The following ASS1 variants were observed in gnomAD, a reference collection of about 807,000 sequenced individuals.
ASS1 encodes the protein argininosuccinate synthase 1.
In ASS1, 58 loss-of-function variants were observed where a neutral mutation model predicts 60.5. That is an observed-to-expected ratio of 0.96 (90% CI 0.78 to 1.19). ASS1 has a LOEUF of 1.19. Ranked by LOEUF, ASS1 falls within the 50% of genes most tolerant of loss-of-function variation. ASS1 has a pLI of 0.00. For missense variants in ASS1, 454 were observed against 547.3 expected, an observed-to-expected ratio of 0.83 and a Z score of 1.70; for synonymous variants, 200 against 206.9, an observed-to-expected ratio of 0.97 and a Z score of 0.29.
rs767756224 is a variant in ASS1, at chr9:130,458,609, C to G, written c.363+20C>G. 1.2e-6 allele frequency: 2 copies of G among 1,609,280 alleles called. No individual in the cohort carries two copies. Among genetic ancestry groups the G allele is most frequent in the South Asian group, 1.1e-5 (1 of 90,508 alleles). On this transcript the variant is annotated intron_variant, in intron 4 of 14. Coordinates refer to ENST00000352480, the MANE Select transcript of ASS1 (RefSeq NM_054012.4). Reference sequence around the variant, plus strand: ...GGAAAGGTGAGGCACCTGGGAAGGGCCGGGCAGAGGGAGATGGAGGCGGAG... The same window carrying G: ...GGAAAGGTGAGGCACCTGGGAAGGGGCGGGCAGAGGGAGATGGAGGCGGAG...
Position 130,499,528 on chromosome 9 carries a change from A to G in ASS1, c.1151A>G (p.Glu384Gly). Residue 384 changes from glutamate (E) to glycine (G), a missense_variant, in exon 14 of 15, where the codon GAG (glutamate) becomes GGG (glycine). Physicochemically the swap from Glu to Gly is moderately conservative, Grantham distance 98. Transcript: ENST00000352480. ...AGCATGAACGTGCAGGGTGATTATGAGCCAACTGATGCCACCGGGTTCATC... is the reference window on the plus strand; with the variant it reads ...AGCATGAACGTGCAGGGTGATTATGGGCCAACTGATGCCACCGGGTTCATC... ...LVSMNVQGDY[E>G]PTDATGFINI... is the part of the protein sequence containing the mutation. 1 of 1,613,856 alleles carries G rather than the reference A, an allele frequency of 6.2e-7. No homozygotes were observed. Among genetic ancestry groups the G allele is most frequent in the South Asian group, 1.1e-5 (1 of 90,950 alleles).
In ASS1 at chr9:130,479,720, C is replaced by T; in HGVS notation, c.693C>T (p.Val231=). The change falls in exon 10 of 15, where the codon GTC becomes GTT. Residue 231 remains valine, a synonymous_variant. Coordinates refer to ENST00000352480, the MANE Select transcript of ASS1 (RefSeq NM_054012.4). ...TGCCCTCTCTTCCCACCCTAGGGGT[C>T]CCTGTGAAGGTGACCAACGTCAAGG... The part of the protein sequence containing the change: ...DILEIEFKKG[V]PVKVTNVKDG... 6.2e-7 allele frequency: 1 copy of T among 1,613,878 alleles called. No homozygotes were observed. Among genetic ancestry groups the T allele is most frequent in the East Asian group, 2.2e-5 (1 of 44,872 alleles).
intron 4 of ASS1, among the ~76,000 whole-genome samples, chr9:130,462,662 G>A (rs148107347): frequency 5.8e-4 from 88 of 152,226 alleles, no homozygotes; most frequent in African/African-American, 2.0e-3. Flanking sequence ...ATGCAACGTC[G>A]GACCATGCCT....
chr9:130,449,865 G>A (rs912011856), intron 1 of ASS1, among the ~76,000 whole-genome samples: 4 of 152,224 alleles, frequency 2.6e-5, no homozygotes, highest in Admixed American at 2.0e-4. Flanking sequence ...TATTTTTGTA[G>A]TTGATGAATG....
At position 130,470,258 on chromosome 9, in the gene ASS1, AGTGCCTT is replaced by A. The variant is rs1171093234; in HGVS notation, c.496-574_496-568del. Among the ~76,000 whole-genome samples, 1 of 152,186 alleles carries A rather than the reference AGTGCCTT, an allele frequency of 6.6e-6. No homozygotes were observed. Among genetic ancestry groups the A allele is most frequent in the Non-Finnish European group, 1.5e-5 (1 of 68,024 alleles). ...AGGAAGCGAAACAGAGCCAGAGCCG[AGTGCCTT>A]GGAGACGGGATCTGCTGGGTGTTCC... On this transcript the variant is annotated intron_variant, in intron 6 of 14. Coordinates refer to ENST00000352480, the MANE Select transcript of ASS1 (RefSeq NM_054012.4). This position sits in a 1 kb window ranked among gnomAD's most constrained non-coding sequence, Gnocchi z 4.3.
At chr9:130,448,349 TCACACACATGCATG>T (rs748954480) in intron 1 of ASS1, among the ~76,000 whole-genome samples, 1 of 151,360 alleles carries the variant, frequency 6.6e-6, no homozygotes, top group African/African-American at 2.4e-5. Context: ...CCCAAACACA[TCACACACATGCATG>T]CACACACATT....
Position 130,494,929 on chromosome 9 carries a change from G to A in ASS1, c.1033G>A (p.Val345Met). The A allele has an allele frequency of 1.9e-6, 3 of 1,613,638 alleles. No homozygotes were observed. Among genetic ancestry groups the A allele is most frequent in the Non-Finnish European group, 2.5e-6 (3 of 1,179,952 alleles). The change falls in exon 13 of 15, where the codon GTG becomes ATG. Residue 345 changes from valine to methionine, a missense_variant. Transcript: ENST00000352480. The surrounding 1 kb of genome is among the most constrained non-coding windows in gnomAD (Gnocchi z 4.3). ...CTGCATCGCCAAGTCCCAGGAGCGA[G>A]TGGAAGGGAAAGTGCAGGTGTCCGT... The part of the protein sequence containing the change: ...RHCIAKSQER[V>M]EGKVQVSVLK...
At position 130,449,424 on chromosome 9, in the gene ASS1, C is replaced by CTGTTTCTGTGGAGCTGCCCCTCCG. The variant is rs1005812524; in HGVS notation, c.-5-2781_-5-2758dup. ...CACTGAGGCGATGCAGGTGATCCAG[C>CTGTTTCTGTGGAGCTGCCCCTCCG]TGTTTCTGTGGAGCTGCCCCTCCGT... On this transcript the variant is annotated intron_variant, in intron 1 of 14. Coordinates refer to ENST00000352480, the MANE Select transcript of ASS1 (RefSeq NM_054012.4). Among the ~76,000 whole-genome samples, 6 of 151,426 alleles carry CTGTTTCTGTGGAGCTGCCCCTCCG rather than the reference C, an allele frequency of 4.0e-5. No homozygotes were observed. In the South Asian group the frequency reaches 8.4e-4, roughly 21 times the overall value.
At chr9:130,495,086 C>T in intron 13 of ASS1, 63 bp downstream of exon 13, 2 of 1,538,946 alleles carry the variant, frequency 1.3e-6, no homozygotes, top group South Asian at 2.4e-5. Context: ...TTGACTGGAT[C>T]CTCAAGACAT....
In ASS1 at chr9:130,489,559, G is replaced by A; in HGVS notation, c.970+95G>A. ...GGGCCTGGCCCTCCCCTCCGTATCAGCACCTTCCTCCCCTGCCGCCCACTG... is the reference window on the plus strand; with the variant it reads ...GGGCCTGGCCCTCCCCTCCGTATCAACACCTTCCTCCCCTGCCGCCCACTG... On this transcript the variant is annotated intron_variant, in intron 12 of 14. Coordinates refer to ENST00000352480, the MANE Select transcript of ASS1 (RefSeq NM_054012.4). This position sits in a 1 kb window ranked among gnomAD's most constrained non-coding sequence, Gnocchi z 4.1. 1 of 1,585,276 alleles carries A rather than the reference G, an allele frequency of 6.3e-7. No individual in the cohort carries two copies.
rs749779496 is a variant in ASS1, at chr9:130,501,055, A to G, written c.*34A>G. 16 of 1,587,844 alleles carry G rather than the reference A, an allele frequency of 1.0e-5. No individual in the cohort carries two copies. Among genetic ancestry groups the G allele is most frequent in the East Asian group, 2.2e-5 (1 of 44,742 alleles). The stretch of plus-strand genomic sequence containing the variant: ...ACAATGAGGAGCTGGGGCCTCCTCA[A>G]TTTGCAGATCCCCCAAGTACAGGCG... On this transcript the variant is annotated 3_prime_UTR_variant, in exon 15 of 15. Transcript: ENST00000352480.
rs372742459 is a variant in ASS1 at position 130,466,676 on chromosome 9, A to G, written c.421-49A>G. Reference sequence around the variant, plus strand: ...AGCTCTGCAGCTTACAGGCCAGGGGAAGCCCACAGCTCGGCCCTCCCGGCT... The same window carrying G: ...AGCTCTGCAGCTTACAGGCCAGGGGGAGCCCACAGCTCGGCCCTCCCGGCT... On this transcript the variant is annotated intron_variant, in intron 5 of 14. Coordinates refer to ENST00000352480, the MANE Select transcript of ASS1 (RefSeq NM_054012.4). 9 of 1,572,416 alleles carry G rather than the reference A, an allele frequency of 5.7e-6. No individual in the cohort carries two copies. In the East Asian group the frequency reaches 1.3e-4, roughly 23 times the overall value.
At chr9:130,487,321 G>T (rs1489339839) in intron 11 of ASS1, among the ~76,000 whole-genome samples, 2 of 151,844 alleles carry the variant, frequency 1.3e-5, no homozygotes, top group African/African-American at 4.8e-5. Context: ...GAAACTTCTG[G>T]TTAGTGCACG....
chr9:130,470,962 A>T lies in ASS1; in HGVS notation c.566+58A>T. ...CCCGGGCTCATTCCAAAGGACGGCCACGCGCTGCCCCAGGACGTCCTGGTG... is the reference window on the plus strand; with the variant it reads ...CCCGGGCTCATTCCAAAGGACGGCCTCGCGCTGCCCCAGGACGTCCTGGTG... On this transcript the variant is annotated intron_variant, in intron 7 of 14. Coordinates refer to ENST00000352480, the MANE Select transcript of ASS1 (RefSeq NM_054012.4). The surrounding 1 kb of genome is among the most constrained non-coding windows in gnomAD (Gnocchi z 4.3). 1 of 1,574,820 alleles carries T rather than the reference A, an allele frequency of 6.3e-7. No individual in the cohort carries two copies. Among genetic ancestry groups the T allele is most frequent in the Non-Finnish European group, 8.7e-7 (1 of 1,145,506 alleles).
chr9:130,463,164 G>GC (rs1845644145), intron 4 of ASS1, among the ~76,000 whole-genome samples: 1 of 152,194 alleles, frequency 6.6e-6, no homozygotes, highest in Non-Finnish European at 1.5e-5. Context: ...GCCTGGCTGC[G>GC]CCCATGCAGT....
chr9:130,453,911 G>T (rs1352846170), intron 2 of ASS1, among the ~76,000 whole-genome samples: 1 of 152,242 alleles, frequency 6.6e-6, no homozygotes, highest in Non-Finnish European at 1.5e-5. Context: ...AGAGCTGGAG[G>T]CTAGGAAGGC....
chr9:130,478,361 G>A lies in ASS1; in HGVS notation c.689-1355G>A, dbSNP rs963608278. 1.3e-5 allele frequency among the ~76,000 whole-genome samples: 2 copies of A among 152,146 alleles called. No homozygotes were observed. The highest frequency in any genetic ancestry group is 2.4e-5 in the African/African-American group (1 of 41,442). ...AGGGCTCCCAGGAGCCTGGAGAGCC[G>A]TGAGGGTGGGAGGCGGGTGGCAGGC... On this transcript the variant is annotated intron_variant, in intron 9 of 14. Coordinates refer to ENST00000352480, the MANE Select transcript of ASS1 (RefSeq NM_054012.4). This position sits in a 1 kb window ranked among gnomAD's most constrained non-coding sequence, Gnocchi z 4.7.
chr9:130,500,872 C>A, intron 14 of ASS1, 104 bp from the exon 15 acceptor site: 1 of 1,291,162 alleles, frequency 7.7e-7, no homozygotes. Context: ...CACATCTTAA[C>A]AAACAGCTGC....
At position 130,456,431 on chromosome 9, in the gene ASS1, A is replaced by C. The variant is rs181248968; in HGVS notation, c.175-1970A>C. ...CAGTAAGCTGAAATCACACCATTGC[A>C]CTCCATCCTGGGCAACAACAGCAAA... On this transcript the variant is annotated intron_variant, in intron 3 of 14. Transcript: ENST00000352480. 3.9e-3 allele frequency among the ~76,000 whole-genome samples: 591 copies of C among 152,096 alleles called. 11 individuals carry two copies. Among genetic ancestry groups the C allele is most frequent in the Admixed American group, 0.037 (558 of 15,272 alleles).
Sources: gnomAD v4.1 joint callset for allele counts (sites outside exome capture counted in the v4.1 genomes callset) on GRCh38, gnomAD v4.1.1 for gene constraint, Gnocchi (gnomAD v3.1) non-coding constraint, MANE v1.5 for transcripts, NCBI Gene and HGNC (gene_info 2026-07-23, HGNC 2026-07-21) for gene names.